The following MSN variants were observed in gnomAD, a reference collection of about 807,000 sequenced individuals.
MSN encodes the protein epididymis luminal protein 70.
Under a neutral mutation model 48.0 loss-of-function variants are expected in MSN, and 2 were observed. That is an observed-to-expected ratio of 0.04 (90% CI 0.02 to 0.13). The LOEUF is 0.13. Ranked by LOEUF, MSN falls within the 10% of genes least tolerant of loss-of-function variation. The pLI, the probability that MSN is intolerant of heterozygous loss-of-function variation, is 1.00. For synonymous variants in MSN, 146 were observed against 166.9 expected, an observed-to-expected ratio of 0.87 and a Z score of 0.97; for missense variants, 267 against 470.1, an observed-to-expected ratio of 0.57 and a Z score of 3.99.
intron 1 of MSN, among the ~76,000 whole-genome samples, chrX:65,692,795 T>A (rs1048620683): frequency 9.0e-6 from 1 of 111,315 alleles, no homozygotes; most frequent in African/African-American, 3.3e-5. Flanking sequence ...TTCTCCTGCC[T>A]CAGCCTCCTG....
chrX:65,617,461 G>C (rs9779014), intron 1 of MSN, among the ~76,000 whole-genome samples: 9,950 of 95,008 alleles, frequency 0.1, 2,894 homozygotes, highest in African/African-American at 0.59. Flanking sequence ...AGGAATTTAT[G>C]CATTTCTTCT....
chrX:65,629,112 C>T (rs922880243), intron 1 of MSN, among the ~76,000 whole-genome samples: 2 of 110,331 alleles, frequency 1.8e-5, no homozygotes, highest in African/African-American at 6.6e-5. Context: ...ACCCAAGTCA[C>T]CTCTTGAATG....
At chrX:65,599,307 T>A (rs1348483434) in intron 1 of MSN, among the ~76,000 whole-genome samples, 2 of 109,061 alleles carry the variant, frequency 1.8e-5, no homozygotes, top group African/African-American at 3.3e-5. Flanking sequence ...AAAAAAAAAA[T>A]AATAATTTCA....
chrX:65,638,931 A>G (rs1052489045), intron 1 of MSN, among the ~76,000 whole-genome samples: 3 of 112,045 alleles, frequency 2.7e-5, no homozygotes, highest in Admixed American at 9.5e-5. Flanking sequence ...CCTGTGTCTC[A>G]GTTACATACC....
intron 1 of MSN, among the ~76,000 whole-genome samples, chrX:65,618,653 CTT>C (rs1173292406): frequency 9.0e-6 from 1 of 111,065 alleles, no homozygotes; most frequent in Non-Finnish European, 1.9e-5. Flanking sequence ...GGTCTTGACT[CTT>C]TATCCAATTT....
chrX:65,734,991 T>C (rs1184168291), intron 7 of MSN, among the ~76,000 whole-genome samples: 1 of 111,765 alleles, frequency 8.9e-6, no homozygotes, highest in African/African-American at 3.3e-5. Flanking sequence ...AAGCAAAGAT[T>C]GAAAGAAATT....
chrX:65,591,887 G>T (rs1237646058), intron 1 of MSN, among the ~76,000 whole-genome samples: 1 of 111,293 alleles, frequency 9.0e-6, no homozygotes, highest in African/African-American at 3.3e-5. Context: ...AGAGACTTCT[G>T]AGTGATGGTA....
intron 1 of MSN, among the ~76,000 whole-genome samples, chrX:65,704,829 G>T (rs2071345038): frequency 9.4e-6 from 1 of 106,391 alleles, no homozygotes; most frequent in Non-Finnish European, 1.9e-5. Flanking sequence ...GAGTGCAGTG[G>T]CGCAATCTTG....
At chrX:65,634,225 A>C (rs1356045759) in intron 1 of MSN, among the ~76,000 whole-genome samples, 1 of 112,440 alleles carries the variant, frequency 8.9e-6, no homozygotes, top group Non-Finnish European at 1.9e-5. Context: ...ACCCAGAGCC[A>C]TGGTGGCAGG....
Position 65,598,950 on chromosome X carries a change from G to A in MSN, c.-22+10338G>A, listed in dbSNP as rs2070208413. Among the ~76,000 whole-genome samples, 4 of 111,634 alleles carry A rather than the reference G, an allele frequency of 3.6e-5. No homozygotes were observed. The South Asian group carries it at 1.5e-3, about 42-fold the overall frequency. ...ATTAGAGGCAGACTTCATGGAGGAG[G>A]TGACTTGTGGGTCAGGGCTTGAAGG... On this transcript the variant is annotated intron_variant, in intron 1 of 3. Transcript: ENST00000609672.
intron 1 of MSN, among the ~76,000 whole-genome samples, chrX:65,697,399 C>A (rs988650234): frequency 1.4e-4 from 16 of 111,517 alleles, no homozygotes; most frequent in Admixed American, 5.7e-4. Context: ...ACATTCTTTG[C>A]TATATTTATA....
intron 1 of MSN, among the ~76,000 whole-genome samples, chrX:65,694,931 A>T (rs183640831): frequency 8.9e-6 from 1 of 112,264 alleles, no homozygotes; most frequent in Non-Finnish European, 1.9e-5. Context: ...GAAAATGATT[A>T]GAGGAATCCT....
intron 1 of MSN, among the ~76,000 whole-genome samples, chrX:65,615,970 C>T (rs901459817): frequency 9.0e-6 from 1 of 111,142 alleles, no homozygotes; most frequent in African/African-American, 3.3e-5. Flanking sequence ...GGAACCCTTT[C>T]CCCATTGCTT....
At chrX:65,700,162 G>T (rs1216066531) in intron 1 of MSN, among the ~76,000 whole-genome samples, 3 of 111,812 alleles carry the variant, frequency 2.7e-5, no homozygotes, top group African/African-American at 9.8e-5. Flanking sequence ...TCTACTACAT[G>T]CCAGGTACCA....
intron 1 of MSN, chrX:65,588,705 T>C (rs2070117991): frequency 4.2e-6 from 3 of 706,872 alleles, no homozygotes; most frequent in African/African-American, 2.3e-5. Context: ...GGGACAAACA[T>C]GGGAGGTTTA....
intron 1 of MSN, among the ~76,000 whole-genome samples, chrX:65,669,979 G>C (rs1015891655): frequency 2.7e-5 from 3 of 111,787 alleles, no homozygotes; most frequent in Non-Finnish European, 5.6e-5. Flanking sequence ...CCCAATGATT[G>C]AGTTCTTGAC....
At chrX:65,690,696 G>C (rs1439060671) in intron 1 of MSN, among the ~76,000 whole-genome samples, 1 of 111,575 alleles carries the variant, frequency 9.0e-6, no homozygotes, top group Non-Finnish European at 1.9e-5. Context: ...TGTCCAAGAC[G>C]TGTGTCTTGT....
chrX:65,648,070 A>G (rs1172281307), intron 1 of MSN, among the ~76,000 whole-genome samples: 1 of 103,437 alleles, frequency 9.7e-6, no homozygotes, highest in Admixed American at 1.1e-4. Flanking sequence ...AAGCAGACAG[A>G]TTTGAAAGTT....
At chrX:65,736,580 G>T (rs1048178202) in intron 8 of MSN, among the ~76,000 whole-genome samples, 9 of 110,475 alleles carry the variant, frequency 8.1e-5, no homozygotes, top group Admixed American at 3.8e-4. Flanking sequence ...GACTACAGGC[G>T]CATGCCACTA....
Sources: allele counts gnomAD v4.1 joint callset (sites outside exome capture counted in the v4.1 genomes callset), GRCh38; gene constraint gnomAD v4.1.1; transcripts MANE v1.5; gene names NCBI Gene and HGNC (gene_info 2026-07-23, HGNC 2026-07-21).